ARHGAP22: variants seen among roughly 807,000 people sequenced by gnomAD.
ARHGAP22 encodes rho GTPase-activating protein 22.
Under a neutral mutation model 59.1 loss-of-function variants are expected in ARHGAP22, and 48 were observed. That is an observed-to-expected ratio of 0.81 (90% CI 0.64 to 1.03). ARHGAP22 has a LOEUF of 1.03. ARHGAP22 is among the 50% of genes least tolerant of loss of function. The probability of loss-of-function intolerance (pLI) is 0.00; values close to 1 mark genes in which losing one functional copy is unlikely to be tolerated. For missense variants in ARHGAP22, 1,015 were observed against 958.7 expected (o/e 1.06, Z -0.78); for synonymous variants, 445 against 416.4 (o/e 1.07, Z -0.84).
intron 3 of ARHGAP22, among the ~76,000 whole-genome samples, chr10:48,521,178 T>C (rs2134728195): frequency 6.6e-6 from 1 of 152,292 alleles, no homozygotes; most frequent in East Asian, 1.9e-4. Context: ...AGGATTTCTC[T>C]ATTTGTGAAA....
At chr10:48,524,115 C>G in intron 3 of ARHGAP22, 1 of 1,332,254 alleles carries the variant, frequency 7.5e-7, no homozygotes, top group Non-Finnish European at 9.6e-7. Flanking sequence ...GGCAGCCGCC[C>G]GCGGCCCCGC....
exon 1 of ARHGAP22, chr10:48,652,295 G>T (rs1163623967): frequency 6.5e-7 from 1 of 1,535,436 alleles, no homozygotes; most frequent in Admixed American, 2.0e-5. Flanking sequence ...TAATGAAGCT[G>T]GCAGTCTGTG....
At chr10:48,474,715 C>T (rs889706826) in intron 4 of ARHGAP22, among the ~76,000 whole-genome samples, 10 of 138,758 alleles carry the variant, frequency 7.2e-5, no homozygotes, top group African/African-American at 2.4e-4. Flanking sequence ...TCTACTAAGA[C>T]GGTCATGTGT....
intron 1 of ARHGAP22, among the ~76,000 whole-genome samples, chr10:48,636,208 C>G (rs1027757960): frequency 1.7e-4 from 26 of 152,300 alleles, no homozygotes; most frequent in African/African-American, 6.3e-4. Flanking sequence ...CTGCCCTGCA[C>G]AGCTTCAGCA....
At chr10:48,621,556 T>C (rs2061286420) in intron 1 of ARHGAP22, among the ~76,000 whole-genome samples, 4 of 152,212 alleles carry the variant, frequency 2.6e-5, no homozygotes, top group Admixed American at 2.6e-4. Context: ...TATCCTAGTA[T>C]CCTCCATCTA....
At chr10:48,501,984 A>C (rs2051571933) in intron 3 of ARHGAP22, among the ~76,000 whole-genome samples, 1 of 152,244 alleles carries the variant, frequency 6.6e-6, no homozygotes, top group South Asian at 2.1e-4. Context: ...GGATTCTCAC[A>C]GGCACAGATG....
intron 3 of ARHGAP22, among the ~76,000 whole-genome samples, chr10:48,523,752 C>T (rs533192697): frequency 1.3e-5 from 2 of 152,068 alleles, no homozygotes; most frequent in East Asian, 2.0e-4. Flanking sequence ...CGGCCAGCCC[C>T]GGGCCCTGGA....
chr10:48,655,008 C>CTCTT (rs369212947), upstream of ARHGAP22, among the ~76,000 whole-genome samples: 854 of 76,462 alleles, frequency 0.011, 140 homozygotes, highest in African/African-American at 0.02. Flanking sequence ...CTCTTTCTTT[C>CTCTT]TCTTTCTTTC....
At chr10:48,515,037 G>A (rs1346189751) in intron 3 of ARHGAP22, among the ~76,000 whole-genome samples, 1 of 152,076 alleles carries the variant, frequency 6.6e-6, no homozygotes, top group Non-Finnish European at 1.5e-5. Flanking sequence ...GAACAAAAAA[G>A]ATATAACATG....
At chr10:48,570,100 C>T (rs1451126296) in intron 2 of ARHGAP22, among the ~76,000 whole-genome samples, 1 of 152,168 alleles carries the variant, frequency 6.6e-6, no homozygotes, top group African/African-American at 2.4e-5. Flanking sequence ...TTTAAAAACA[C>T]AGCTGCTACT....
chr10:48,623,618 C>A (rs2061353198), intron 1 of ARHGAP22, among the ~76,000 whole-genome samples: 1 of 152,190 alleles, frequency 6.6e-6, no homozygotes, highest in African/African-American at 2.4e-5. Context: ...TTGTCCAGGT[C>A]AGGCAACACC....
At chr10:48,534,148 C>T (rs2055129445) in intron 3 of ARHGAP22, among the ~76,000 whole-genome samples, 1 of 152,238 alleles carries the variant, frequency 6.6e-6, no homozygotes, top group Non-Finnish European at 1.5e-5. Context: ...GCCAATGGGC[C>T]TTCAGCTGCC....
At chr10:48,501,782 C>G (rs565394417) in intron 3 of ARHGAP22, among the ~76,000 whole-genome samples, 2 of 151,018 alleles carry the variant, frequency 1.3e-5, no homozygotes, top group East Asian at 3.9e-4. Context: ...TGAAGTGATA[C>G]GGGATGCTCC....
At chr10:48,461,996 C>T (rs1355534724) in intron 4 of ARHGAP22, among the ~76,000 whole-genome samples, 1 of 152,204 alleles carries the variant, frequency 6.6e-6, no homozygotes, top group African/African-American at 2.4e-5. Flanking sequence ...CTCCTCCTCA[C>T]CCTGCTTGAC....
At chr10:48,503,340 T>G (rs752668537) in intron 3 of ARHGAP22, among the ~76,000 whole-genome samples, 6 of 152,164 alleles carry the variant, frequency 3.9e-5, no homozygotes, top group Non-Finnish European at 8.8e-5. Flanking sequence ...AACTCATTAT[T>G]CTAAGGAACA....
intron 1 of ARHGAP22, among the ~76,000 whole-genome samples, chr10:48,647,713 G>A (rs927404026): frequency 6.6e-6 from 1 of 152,220 alleles, no homozygotes; most frequent in South Asian, 2.1e-4. Context: ...TGAAAGCCGT[G>A]TGTTCACAGA....
At chr10:48,511,716 T>C (rs1213559840) in intron 3 of ARHGAP22, 1 of 152,230 alleles carries the variant, frequency 6.6e-6, no homozygotes, top group Non-Finnish European at 1.5e-5. Flanking sequence ...ATGCACCAGA[T>C]ACTTGATAAT....
At chr10:48,554,530 C>T (rs1285099294) in intron 3 of ARHGAP22, among the ~76,000 whole-genome samples, 3 of 152,218 alleles carry the variant, frequency 2.0e-5, no homozygotes, top group Non-Finnish European at 4.4e-5. Flanking sequence ...CTGTTCCCAT[C>T]ACGCTGCCAG....
chr10:48,455,359 G>C (rs1375350990), intron 5 of ARHGAP22, among the ~76,000 whole-genome samples: 1 of 152,192 alleles, frequency 6.6e-6, no homozygotes, highest in African/African-American at 2.4e-5. Flanking sequence ...CCATGGCCAG[G>C]AGCTCCAGCT....
Sources: allele counts gnomAD v4.1 joint callset (sites outside exome capture counted in the v4.1 genomes callset), GRCh38; gene constraint gnomAD v4.1.1; transcripts MANE v1.5; gene names NCBI Gene and HGNC (gene_info 2026-07-23, HGNC 2026-07-21).